The following SH3RF1 variants were observed in gnomAD, a reference collection of about 807,000 sequenced individuals.
The protein encoded by SH3RF1 is SH3 domain containing ring finger 1.
A neutral mutation model predicts 74.0 loss-of-function variants in SH3RF1; 32 were observed. The observed-to-expected ratio is 0.43, with a 90% CI of 0.33 to 0.58. SH3RF1 has a LOEUF of 0.58. Among genes scored for constraint, SH3RF1 ranks in the 20% least tolerant of loss-of-function variants. SH3RF1 has a pLI of 0.05. For missense variants in SH3RF1, 954 were observed against 1,130.9 expected (o/e 0.84, Z 2.24); for synonymous variants, 396 against 439.6 (o/e 0.90, Z 1.24).
intron 2 of SH3RF1, among the ~76,000 whole-genome samples, chr4:169,174,908 C>T (rs999599383): frequency 1.3e-5 from 2 of 152,250 alleles, no homozygotes; most frequent in Admixed American, 6.5e-5. Context: ...CTCTCCCCTG[C>T]GCACCAAGGG....
At chr4:169,153,383 A>C (rs1478173921) in intron 4 of SH3RF1, among the ~76,000 whole-genome samples, 1 of 152,194 alleles carries the variant, frequency 6.6e-6, no homozygotes, top group Non-Finnish European at 1.5e-5. Context: ...AAGATATAAG[A>C]GAATTATTTA....
chr4:169,212,128 G>A (rs1279439456), intron 2 of SH3RF1, among the ~76,000 whole-genome samples: 12 of 124,908 alleles, frequency 9.6e-5, no homozygotes, highest in Non-Finnish European at 1.7e-4. Context: ...GCAATGGCAC[G>A]ATATCAGCTC....
intron 2 of SH3RF1, among the ~76,000 whole-genome samples, chr4:169,205,949 T>C (rs1438401294): frequency 6.6e-6 from 1 of 152,196 alleles, no homozygotes; most frequent in Non-Finnish European, 1.5e-5. Flanking sequence ...TTTTGGGCCT[T>C]TTACAACTGG....
intron 4 of SH3RF1, among the ~76,000 whole-genome samples, chr4:169,154,220 G>A (rs1239017074): frequency 6.6e-6 from 1 of 151,898 alleles, no homozygotes; most frequent in Non-Finnish European, 1.5e-5. Flanking sequence ...TTTCAAAGGA[G>A]GAAAAAAATA....
chr4:169,162,137 A>G (rs183229153), intron 2 of SH3RF1, among the ~76,000 whole-genome samples: 141 of 152,326 alleles, frequency 9.3e-4, no homozygotes, highest in African/African-American at 3.2e-3. Flanking sequence ...AGCCTGGGCA[A>G]TAGAGTGAGA....
At chr4:169,141,408 G>A (rs1354050179) in intron 4 of SH3RF1, among the ~76,000 whole-genome samples, 1 of 152,106 alleles carries the variant, frequency 6.6e-6, no homozygotes, top group Non-Finnish European at 1.5e-5. Context: ...TGGCAGGCTC[G>A]TACAAGCATA....
At chr4:169,192,841 G>GATATATATATC (rs963463639) in intron 2 of SH3RF1, among the ~76,000 whole-genome samples, 1 of 146,746 alleles carries the variant, frequency 6.8e-6, no homozygotes, top group Non-Finnish European at 1.5e-5. Flanking sequence ...ATATAGATGT[G>GATATATATATC]ATATATATAT....
At chr4:169,161,333 G>C (rs1012679630) in intron 2 of SH3RF1, among the ~76,000 whole-genome samples, 1 of 152,212 alleles carries the variant, frequency 6.6e-6, no homozygotes, top group Non-Finnish European at 1.5e-5. Context: ...TAGTGGGCCA[G>C]CTTTACATTT....
chr4:169,161,866 T>A (rs532485322), intron 2 of SH3RF1, among the ~76,000 whole-genome samples: 2 of 152,048 alleles, frequency 1.3e-5, no homozygotes, highest in African/African-American at 4.8e-5. Flanking sequence ...GAAAAATGGG[T>A]GGAAGAAACA....
intron 2 of SH3RF1, among the ~76,000 whole-genome samples, chr4:169,184,078 C>CTAA (rs1296091509): frequency 1.3e-5 from 2 of 152,134 alleles, no homozygotes; most frequent in African/African-American, 4.8e-5. Context: ...TCTTTGAGGA[C>CTAA]TAATGCAAAT....
At chr4:169,179,854 T>C (rs1307350283) in intron 2 of SH3RF1, among the ~76,000 whole-genome samples, 4 of 152,214 alleles carry the variant, frequency 2.6e-5, no homozygotes, top group Non-Finnish European at 4.4e-5. Context: ...GTCAGAATTA[T>C]GTATTTTTTT....
chr4:169,119,407 C>A (rs749967806), intron 8 of SH3RF1, among the ~76,000 whole-genome samples: 1 of 149,158 alleles, frequency 6.7e-6, no homozygotes, highest in African/African-American at 2.5e-5. Context: ...GGATTACAGG[C>A]GTGAGCCACT....
chr4:169,123,050 A>C (rs1733466567), intron 6 of SH3RF1, among the ~76,000 whole-genome samples: 1 of 152,208 alleles, frequency 6.6e-6, no homozygotes, highest in East Asian at 1.9e-4. Context: ...CAGGCACACA[A>C]AGACTGCCTG....
intron 1 of SH3RF1, among the ~76,000 whole-genome samples, chr4:169,270,442 C>T (rs1175013489): frequency 6.6e-6 from 1 of 152,068 alleles, no homozygotes; most frequent in East Asian, 1.9e-4. Flanking sequence ...AGGCCGGGGA[C>T]ACAAATCCCT....
intron 2 of SH3RF1, among the ~76,000 whole-genome samples, chr4:169,222,719 C>T (rs1730587890): frequency 1.3e-5 from 2 of 152,084 alleles, no homozygotes; most frequent in African/African-American, 4.8e-5. Flanking sequence ...TAATCTTTCA[C>T]CTTCTAAAAT....
intron 2 of SH3RF1, among the ~76,000 whole-genome samples, chr4:169,192,845 T>C (rs1482638925): frequency 6.7e-6 from 1 of 148,402 alleles, no homozygotes; most frequent in Admixed American, 6.8e-5. Flanking sequence ...AGATGTGATA[T>C]ATATATCATA....
chr4:169,212,057 C>CTTTTTTTTTTTTTTTT (rs34108534), intron 2 of SH3RF1, among the ~76,000 whole-genome samples: 1 of 48,266 alleles, frequency 2.1e-5, no homozygotes, highest in African/African-American at 9.2e-5. Context: ...CTTTTCTTTT[C>CTTTTTTTTTTTTTTTT]TTTTTTTTTT....
intron 11 of SH3RF1, among the ~76,000 whole-genome samples, chr4:169,098,392 C>T (rs10471157): frequency 0.011 from 1,671 of 152,248 alleles, 31 homozygotes; most frequent in African/African-American, 0.038. Flanking sequence ...ATACAACTGT[C>T]CCCAAACTTC....
rs141885272 is a variant in SH3RF1 at position 169,142,508 on chromosome 4, G to A, written c.766-5888C>T. Among the ~76,000 whole-genome samples the A allele has an allele frequency of 1.4e-3, 217 of 151,342 alleles. 2 individuals are homozygous for A. In the South Asian group the frequency reaches 0.026, roughly 18 times the overall value. On this transcript the variant is annotated intron_variant, in intron 4 of 11. Transcript: ENST00000284637. ...TTTCATTCTTTCTTTTTACATCTCC[G>A]TCTGTGAACCATATGCCCATCTGGT...
Sources: gnomAD v4.1 joint callset for allele counts (sites outside exome capture counted in the v4.1 genomes callset) on GRCh38, gnomAD v4.1.1 for gene constraint, MANE v1.5 for transcripts, NCBI Gene and HGNC (gene_info 2026-07-23, HGNC 2026-07-21) for gene names.